The following AGBL4 variants were observed in gnomAD, a reference collection of about 807,000 sequenced individuals.
The protein encoded by AGBL4 is AGBL carboxypeptidase 4.
A neutral mutation model predicts 66.4 loss-of-function variants in AGBL4; 58 were observed. The ratio of observed to expected loss-of-function variants is 0.87; its 90% CI spans 0.71 to 1.09. AGBL4 has a LOEUF of 1.09. Ranked by LOEUF, AGBL4 falls within the 50% of genes least tolerant of loss-of-function variation. The pLI is 0.00. For missense variants in AGBL4, 579 were observed against 631.0 expected (o/e 0.92, Z 0.88); for synonymous variants, 234 against 222.9 (o/e 1.05, Z -0.44).
At chr1:49,906,373 C>T (rs186661447) in intron 1 of AGBL4, among the ~76,000 whole-genome samples, 1 of 152,084 alleles carries the variant, frequency 6.6e-6, no homozygotes, top group East Asian at 1.9e-4. Flanking sequence ...CTCTCTTTTC[C>T]TTCAGTTTGC....
intron 11 of AGBL4, among the ~76,000 whole-genome samples, chr1:48,560,993 A>C (rs1569791189): frequency 6.6e-6 from 1 of 152,178 alleles, no homozygotes; most frequent in African/African-American, 2.4e-5. Context: ...TTTCTCCTCC[A>C]TAGTGACCCT....
At chr1:49,151,281 A>AAAAT (rs1553160471) in intron 4 of AGBL4, among the ~76,000 whole-genome samples, 18 of 143,200 alleles carry the variant, frequency 1.3e-4, no homozygotes, top group African/African-American at 4.1e-4. Context: ...AAAAAAAAAA[A>AAAAT]ATATATATAT....
At chr1:48,806,766 T>TGGCAAA (rs1229519690) in intron 6 of AGBL4, among the ~76,000 whole-genome samples, 1 of 152,156 alleles carries the variant, frequency 6.6e-6, no homozygotes, top group Non-Finnish European at 1.5e-5. Flanking sequence ...AAAGTAACAG[T>TGGCAAA]GGCAAAGTAG....
intron 6 of AGBL4, among the ~76,000 whole-genome samples, chr1:48,854,640 C>G (rs1456115732): frequency 1.3e-5 from 2 of 152,108 alleles, no homozygotes; most frequent in Non-Finnish European, 2.9e-5. Flanking sequence ...CAGTTTATCC[C>G]CCAATTTCAG....
At chr1:49,488,439 T>A (rs1321703933) in intron 3 of AGBL4, among the ~76,000 whole-genome samples, 1 of 151,650 alleles carries the variant, frequency 6.6e-6, no homozygotes, top group Non-Finnish European at 1.5e-5. Flanking sequence ...TGTAGATAAT[T>A]ACGGGATAAT....
chr1:48,851,647 C>G (rs975194326), intron 6 of AGBL4, among the ~76,000 whole-genome samples: 4 of 152,202 alleles, frequency 2.6e-5, no homozygotes, highest in African/African-American at 9.6e-5. Context: ...GAACTCTTCT[C>G]TAACAAGCCA....
At chr1:49,716,965 T>C (rs1648194603) in intron 2 of AGBL4, among the ~76,000 whole-genome samples, 1 of 152,074 alleles carries the variant, frequency 6.6e-6, no homozygotes, top group African/African-American at 2.4e-5. Flanking sequence ...GGTATTCAAT[T>C]AGGAAAAGAG....
chr1:48,776,887 G>A (rs928517121), intron 6 of AGBL4: 58 of 1,230,380 alleles, frequency 4.7e-5, no homozygotes, highest in Non-Finnish European at 6.2e-5. Context: ...GGCGGGCGCG[G>A]AGGTGGGGAT....
chr1:48,586,571 G>C lies in AGBL4; in HGVS notation c.1267+433C>G, dbSNP rs1348409913. 3.2e-5 allele frequency: 6 copies of C among 186,414 alleles called. 1 individual carries two copies. In the South Asian group the frequency reaches 6.9e-4, roughly 21 times the overall value. The allele number at this position is 186,414 out of a possible 1,614,324, so 11.5% of individuals were successfully genotyped here. The stretch of plus-strand genomic sequence containing the variant: ...AGAGAAAGTGGGAGAGGATAGGTTA[G>C]ACAAAAGATGAAAAGAGAACATATG... On this transcript the variant is annotated intron_variant, in intron 11 of 13. Coordinates refer to ENST00000371839, the MANE Select transcript of AGBL4 (RefSeq NM_032785.4).
intron 1 of AGBL4, among the ~76,000 whole-genome samples, chr1:49,877,635 C>G (rs1468726307): frequency 1.3e-5 from 2 of 152,026 alleles, no homozygotes; most frequent in African/African-American, 2.4e-5. Flanking sequence ...TTGGTTGTGT[C>G]TCTGCCCGAC....
intron 4 of AGBL4, among the ~76,000 whole-genome samples, chr1:49,082,839 G>A (rs1355228290): frequency 6.6e-6 from 1 of 152,176 alleles, no homozygotes; most frequent in Admixed American, 6.5e-5. Context: ...CTATGAGCCT[G>A]TAAAATCAAA....
chr1:49,010,501 C>A (rs1429253091), intron 5 of AGBL4, among the ~76,000 whole-genome samples: 3 of 137,678 alleles, frequency 2.2e-5, no homozygotes, highest in Non-Finnish European at 1.5e-5. Context: ...GCTACCAATG[C>A]CTTTCTTCAC....
chr1:49,786,634 T>G (rs781264756), intron 2 of AGBL4, among the ~76,000 whole-genome samples: 1 of 152,226 alleles, frequency 6.6e-6, no homozygotes, highest in Non-Finnish European at 1.5e-5. Flanking sequence ...TAGAGTGCCC[T>G]GAATTGTATC....
intron 3 of AGBL4, among the ~76,000 whole-genome samples, chr1:49,471,190 T>C (rs1012711914): frequency 6.6e-6 from 1 of 151,856 alleles, no homozygotes; most frequent in Middle Eastern, 3.4e-3. Flanking sequence ...CAGATTTGCT[T>C]CCTTTTATGA....
intron 3 of AGBL4, among the ~76,000 whole-genome samples, chr1:49,298,177 C>T (rs750890173): frequency 3.3e-5 from 5 of 152,206 alleles, no homozygotes; most frequent in Admixed American, 6.5e-5. Flanking sequence ...CCAGGGACAA[C>T]TTTGCTCATA....
intron 6 of AGBL4, among the ~76,000 whole-genome samples, chr1:48,732,131 T>A (rs76491905): frequency 0.011 from 1,648 of 151,944 alleles, 29 homozygotes; most frequent in African/African-American, 0.038. Context: ...GTGAGGGATG[T>A]GGAGGAGTCA....
At chr1:48,837,735 A>ATATATATATATC (rs1646717489) in intron 6 of AGBL4, among the ~76,000 whole-genome samples, 3 of 138,682 alleles carry the variant, frequency 2.2e-5, no homozygotes, top group Non-Finnish European at 4.6e-5. Context: ...ATATATATAT[A>ATATATATATATC]TATATATCCT....
chr1:48,920,273 G>A (rs1653970106), intron 5 of AGBL4, among the ~76,000 whole-genome samples: 1 of 152,136 alleles, frequency 6.6e-6, no homozygotes, highest in Non-Finnish European at 1.5e-5. Context: ...AAGATAAAAA[G>A]TGGGGACTGT....
At chr1:49,656,789 T>C (rs1646145276) in intron 3 of AGBL4, among the ~76,000 whole-genome samples, 1 of 152,138 alleles carries the variant, frequency 6.6e-6, no homozygotes. Flanking sequence ...AGAAAAGGCC[T>C]TCGACAAAAT....
Sources: gnomAD v4.1 joint callset for allele counts (sites outside exome capture counted in the v4.1 genomes callset) on GRCh38, gnomAD v4.1.1 for gene constraint, MANE v1.5 for transcripts, NCBI Gene and HGNC (gene_info 2026-07-23, HGNC 2026-07-21) for gene names.